NUP37: variants seen among roughly 807,000 people sequenced by gnomAD.
NUP37 encodes the protein nucleoporin Nup37.
Under a neutral mutation model 45.4 loss-of-function variants are expected in NUP37, and 33 were observed. That is an observed-to-expected ratio of 0.73 (90% CI 0.55 to 0.97). The LOEUF (loss-of-function observed/expected upper bound fraction) is 0.97, where lower values mean the gene tolerates loss of function less well. Ranked by LOEUF, NUP37 falls within the 50% of genes least tolerant of loss-of-function variation. The pLI, the probability that NUP37 is intolerant of heterozygous loss-of-function variation, is 0.00. For missense variants in NUP37, 365 were observed against 389.7 expected, an observed-to-expected ratio of 0.94 and a Z score of 0.53; for synonymous variants, 127 against 130.7, an observed-to-expected ratio of 0.97 and a Z score of 0.19.
intron 4 of NUP37, 69 bp from the exon 5 acceptor site, chr12:102,099,269 A>G: frequency 9.0e-7 from 1 of 1,109,858 alleles, no homozygotes; most frequent in Non-Finnish European, 1.4e-6. Context: ...CCTACATAAT[A>G]TTTTTGCTTC....
At chr12:102,111,395 A>C (rs1490169356) in intron 3 of NUP37, among the ~76,000 whole-genome samples, 1 of 152,212 alleles carries the variant, frequency 6.6e-6, no homozygotes, top group African/African-American at 2.4e-5. Flanking sequence ...AAAACTGATC[A>C]AACTATACCC....
In NUP37 at chr12:102,085,861, TA is replaced by T. The variant is rs775571480; in HGVS notation, c.450-6del. ...ACTCCTTCCAAGTTCCAAATCCTAATAAAAGAATAACAGTATAATGTTAATT... is the reference window on the plus strand; with the variant it reads ...ACTCCTTCCAAGTTCCAAATCCTAATAAAGAATAACAGTATAATGTTAATT... On this transcript the variant is annotated splice_region_variant and splice_polypyrimidine_tract_variant and intron_variant, in intron 5 of 9. Transcript: ENST00000552283. 1.4e-5 allele frequency: 20 copies of T among 1,436,442 alleles called. No homozygotes were observed. The South Asian group carries it at 2.1e-4, about 15-fold the overall frequency. 89.0% of individuals were successfully genotyped at this position (1,436,442 alleles called of 1,614,324 possible).
chr12:102,078,504 T>A (rs1033245216), intron 6 of NUP37, among the ~76,000 whole-genome samples: 3 of 152,172 alleles, frequency 2.0e-5, no homozygotes, highest in Admixed American at 1.3e-4. Context: ...CAGACATTTA[T>A]GTGTTACACA....
chr12:102,108,117 T>G (rs1880208497), intron 3 of NUP37, among the ~76,000 whole-genome samples: 1 of 152,148 alleles, frequency 6.6e-6, no homozygotes. Flanking sequence ...TGTTTCTGGG[T>G]GTATCTGGGT....
chr12:102,098,514 A>T (rs902239305), intron 5 of NUP37, among the ~76,000 whole-genome samples: 1 of 152,020 alleles, frequency 6.6e-6, no homozygotes, highest in African/African-American at 2.4e-5. Flanking sequence ...AATATTGAAG[A>T]ATTTGATCCA....
chr12:102,106,201 A>T (rs1880149871), intron 3 of NUP37, among the ~76,000 whole-genome samples: 2 of 152,174 alleles, frequency 1.3e-5, no homozygotes. Flanking sequence ...TGATAACTTG[A>T]TTTTGAATAT....
intron 2 of NUP37, among the ~76,000 whole-genome samples, chr12:102,113,175 G>C (rs973681486): frequency 2.0e-5 from 3 of 152,182 alleles, no homozygotes; most frequent in African/African-American, 7.2e-5. Flanking sequence ...TGTTATAAGG[G>C]TATCTGCCTA....
chr12:102,076,900 G>T, intron 7 of NUP37, 53 bp from the exon 8 acceptor site: 2 of 1,291,646 alleles, frequency 1.5e-6, no homozygotes, highest in South Asian at 2.5e-5. Flanking sequence ...TCAAGTGGGT[G>T]AACTTAAGGT....
rs538775582 is a variant in NUP37, at chr12:102,084,486, A to T, written c.540+1280T>A. On this transcript the variant is annotated intron_variant, in intron 6 of 9. Coordinates refer to ENST00000552283, the MANE Select transcript of NUP37 (RefSeq NM_024057.4). ...CATGGTGAAACTGTTTCTACAAAAA[A>T]TACAAAAATTAGCCGAGTGTAGTGG... is the stretch of plus-strand genomic sequence containing the variant. Among the ~76,000 whole-genome samples, 8 of 152,262 alleles carry T rather than the reference A, an allele frequency of 5.3e-5. No individual in the cohort carries two copies. The East Asian group carries it at 5.8e-4, about 11-fold the overall frequency.
intron 8 of NUP37, 148 bp from the exon 9 acceptor site, chr12:102,075,242 CA>C (rs1879137340): frequency 4.1e-6 from 2 of 486,942 alleles, no homozygotes; most frequent in African/African-American, 2.0e-5. Flanking sequence ...GAAGTGCTAA[CA>C]AAACTCACTG....
At chr12:102,117,751 C>T (rs1024217764) in intron 2 of NUP37, among the ~76,000 whole-genome samples, 5 of 152,132 alleles carry the variant, frequency 3.3e-5, no homozygotes, top group Non-Finnish European at 7.3e-5. Flanking sequence ...CTCATGTTTA[C>T]AGGAGATGCT....
In NUP37 at chr12:102,111,871, A is replaced by T. The variant is rs186571819; in HGVS notation, c.281+237T>A. 5.9e-5 allele frequency among the ~76,000 whole-genome samples: 9 copies of T among 152,332 alleles called. No individual in the cohort carries two copies. The East Asian group carries it at 1.5e-3, about 26-fold the overall frequency. On this transcript the variant is annotated intron_variant, in intron 3 of 9. Coordinates refer to ENST00000552283, the MANE Select transcript of NUP37 (RefSeq NM_024057.4). Reference sequence around the variant, plus strand: ...TTGATTCAGATGAATCTCACGTAAAAGGTTTTGTAGTTTGGCTCAAACACA... The same window carrying T: ...TTGATTCAGATGAATCTCACGTAAATGGTTTTGTAGTTTGGCTCAAACACA...
At chr12:102,104,891 C>A (rs1880084447) in intron 3 of NUP37, among the ~76,000 whole-genome samples, 1 of 152,160 alleles carries the variant, frequency 6.6e-6, no homozygotes, top group Non-Finnish European at 1.5e-5. Context: ...GTGAGAACTT[C>A]AGCTTTCTCA....
In NUP37 at chr12:102,085,780, C is replaced by T; in HGVS notation, c.526G>A (p.Glu176Lys). 6.4e-7 allele frequency: 1 copy of T among 1,568,066 alleles called. No homozygotes were observed. Among genetic ancestry groups the T allele is most frequent in the Non-Finnish European group, 8.7e-7 (1 of 1,143,460 alleles). ...SPGMSVCWHP[E>K]ETFKLMVAEK... ...TAAATAATAACCTTAAAAGTCTCCT[C>T]AGGATGCCAGCACACACTCATGCCA... is the stretch of plus-strand genomic sequence containing the variant. The change falls in exon 6 of 10, where the codon GAG (glutamate) becomes AAG (lysine). Residue 176 changes from glutamate to lysine, a missense_variant. Physicochemically the swap from Glu to Lys is moderately conservative, Grantham distance 56 (BLOSUM62 1). Transcript: ENST00000552283.
At chr12:102,117,675 G>A (rs144639946) in intron 2 of NUP37, among the ~76,000 whole-genome samples, 131 of 152,286 alleles carry the variant, frequency 8.6e-4, no homozygotes, top group African/African-American at 3.0e-3. Flanking sequence ...TTACAATGTT[G>A]TCAGATGCCC....
chr12:102,119,205 G>C (rs576836101), intron 1 of NUP37: 1 of 152,268 alleles, frequency 6.6e-6, no homozygotes, highest in Admixed American at 6.5e-5. Context: ...TAAACAGATA[G>C]AAAATACAGG....
At chr12:102,117,123 C>T (rs571831062) in intron 2 of NUP37, among the ~76,000 whole-genome samples, 4 of 151,958 alleles carry the variant, frequency 2.6e-5, no homozygotes, top group South Asian at 2.1e-4. Flanking sequence ...TCCAAATTAC[C>T]GTGCTCATTA....
At chr12:102,107,347 T>G (rs1880183493) in intron 3 of NUP37, among the ~76,000 whole-genome samples, 2 of 152,194 alleles carry the variant, frequency 1.3e-5, no homozygotes, top group African/African-American at 4.8e-5. Flanking sequence ...CAACATCCCC[T>G]GTCTAGGCTA....
chr12:102,075,460 G>A (rs1197755820), intron 8 of NUP37, among the ~76,000 whole-genome samples: 1 of 152,096 alleles, frequency 6.6e-6, no homozygotes, highest in Non-Finnish European at 1.5e-5. Flanking sequence ...GGGATTATAG[G>A]TATGAGCCAT....
Sources: allele counts gnomAD v4.1 joint callset (sites outside exome capture counted in the v4.1 genomes callset), GRCh38; gene constraint gnomAD v4.1.1; transcripts MANE v1.5; gene names NCBI Gene and HGNC (gene_info 2026-07-23, HGNC 2026-07-21).